The following KIF13B variants were observed in gnomAD, a reference collection of about 807,000 sequenced individuals.
The protein encoded by KIF13B is kinesin family member 13B, also known as kinesin-like protein KIF13B.
Under a neutral mutation model 222.0 loss-of-function variants are expected in KIF13B, and 127 were observed. The observed-to-expected ratio is 0.57, with a 90% CI of 0.50 to 0.66. KIF13B has a LOEUF of 0.66. Among genes scored for constraint, KIF13B ranks in the 30% least tolerant of loss-of-function variants. The pLI, the probability that KIF13B is intolerant of heterozygous loss-of-function variation, is 0.00. For missense variants in KIF13B, 2,173 were observed against 2,379.0 expected (o/e 0.91, Z 1.80); for synonymous variants, 976 against 919.0 (o/e 1.06, Z -1.12).
intron 2 of KIF13B, among the ~76,000 whole-genome samples, chr8:29,201,719 T>G (rs951659240): frequency 1.3e-5 from 2 of 152,238 alleles, no homozygotes; most frequent in Non-Finnish European, 2.9e-5. Context: ...CAACCCGCTG[T>G]ATAACGGATG....
intron 2 of KIF13B, among the ~76,000 whole-genome samples, chr8:29,236,119 C>T (rs1001961640): frequency 3.6e-4 from 55 of 152,030 alleles, no homozygotes; most frequent in African/African-American, 1.3e-3. Flanking sequence ...AAACAAACTT[C>T]GGGGAAAAAA....
At chr8:29,183,238 G>A (rs1191282472) in intron 6 of KIF13B, among the ~76,000 whole-genome samples, 1 of 132,998 alleles carries the variant, frequency 7.5e-6, no homozygotes, top group Non-Finnish European at 1.5e-5. Flanking sequence ...TGTAACCTCC[G>A]CTTCCCAGGT....
chr8:29,211,154 C>A (rs1563792246), intron 2 of KIF13B, among the ~76,000 whole-genome samples: 1 of 152,210 alleles, frequency 6.6e-6, no homozygotes, highest in Non-Finnish European at 1.5e-5. Context: ...CTCTCGTCTG[C>A]ACGAAAGCAC....
At chr8:29,173,190 T>C (rs558082893) in intron 10 of KIF13B, among the ~76,000 whole-genome samples, 4 of 152,226 alleles carry the variant, frequency 2.6e-5, no homozygotes, top group African/African-American at 7.2e-5. Flanking sequence ...GCTGGGATTA[T>C]AGGCATTAGC....
At chr8:29,257,388 G>A (rs1816523861) in intron 1 of KIF13B, among the ~76,000 whole-genome samples, 2 of 151,808 alleles carry the variant, frequency 1.3e-5, no homozygotes, top group Admixed American at 1.3e-4. Context: ...GGAACTTGAG[G>A]AGCAAGCATA....
chr8:29,159,646 C>T (rs536095956), intron 13 of KIF13B, among the ~76,000 whole-genome samples: 54 of 152,254 alleles, frequency 3.5e-4, no homozygotes, highest in African/African-American at 1.3e-3. Context: ...AGGAATTAGA[C>T]TAGAGGGGGC....
intron 26 of KIF13B, among the ~76,000 whole-genome samples, chr8:29,126,092 A>C (rs946778324): frequency 6.6e-6 from 1 of 152,158 alleles, no homozygotes; most frequent in African/African-American, 2.4e-5. Context: ...GTCACAAAAA[A>C]AAAAACAAAA....
intron 1 of KIF13B, among the ~76,000 whole-genome samples, chr8:29,253,708 T>C (rs1369290708): frequency 6.6e-6 from 1 of 151,064 alleles, no homozygotes; most frequent in Non-Finnish European, 1.5e-5. Context: ...CAGGCACCTG[T>C]AATCCCAGAA....
intron 2 of KIF13B, among the ~76,000 whole-genome samples, chr8:29,217,242 G>T (rs976870286): frequency 6.6e-6 from 1 of 152,166 alleles, no homozygotes; most frequent in African/African-American, 2.4e-5. Context: ...AAGGGTGAGG[G>T]GTCAGCAAGC....
intron 12 of KIF13B, among the ~76,000 whole-genome samples, chr8:29,162,333 G>A (rs1811818173): frequency 6.6e-6 from 1 of 152,174 alleles, no homozygotes; most frequent in Non-Finnish European, 1.5e-5. Flanking sequence ...CTGCAACTCA[G>A]CCAATATATC....
chr8:29,251,345 C>T lies in KIF13B; in HGVS notation c.56-5906G>A, dbSNP rs181213974. 1.0e-3 allele frequency among the ~76,000 whole-genome samples: 159 copies of T among 152,268 alleles called. 1 individual carries two copies. The highest frequency in any genetic ancestry group is 3.0e-3 in the African/African-American group (125 of 41,554). On this transcript the variant is annotated intron_variant, in intron 1 of 39. Coordinates refer to ENST00000524189, the MANE Select transcript of KIF13B (RefSeq NM_015254.4). Reference sequence around the variant, plus strand: ...TGTAAAAACAGCACTAAAGTGTACCCGTGTTCACAGCAGCAGCTAAAATGC... The same window carrying T: ...TGTAAAAACAGCACTAAAGTGTACCTGTGTTCACAGCAGCAGCTAAAATGC...
chr8:29,181,827 C>T, intron 7 of KIF13B, 92 bp downstream of exon 7: 2 of 783,112 alleles, frequency 2.6e-6, no homozygotes, highest in Non-Finnish European at 4.1e-6. Context: ...ATTATATATG[C>T]AATTTTTAAA....
At chr8:29,185,976 T>C (rs1812907514) in intron 6 of KIF13B, among the ~76,000 whole-genome samples, 1 of 152,242 alleles carries the variant, frequency 6.6e-6, no homozygotes, top group Admixed American at 6.5e-5. Context: ...CACTTGTTTT[T>C]GTTCCTGAGA....
chr8:29,213,673 G>A (rs1814335665), intron 2 of KIF13B, among the ~76,000 whole-genome samples: 1 of 152,158 alleles, frequency 6.6e-6, no homozygotes. Flanking sequence ...AAGGGGCCAG[G>A]CACAGTGGCT....
chr8:29,101,139 ATGTTT>A (rs1183329096), intron 35 of KIF13B, among the ~76,000 whole-genome samples: 1 of 152,092 alleles, frequency 6.6e-6, no homozygotes, highest in Non-Finnish European at 1.5e-5. Context: ...ACATACTTGA[ATGTTT>A]TGTTAATTTT....
rs1813041728 is a variant in KIF13B, at chr8:29,188,543, A to G, written c.288T>C (p.Asn96=). The change falls in exon 5 of 40, where the codon AAT becomes AAC. Residue 96 remains asparagine (N), a synonymous_variant. Coordinates refer to ENST00000524189, the MANE Select transcript of KIF13B (RefSeq NM_015254.4). ...NILQNAFDGY[N]ACIFAYGQTG... The stretch of plus-strand genomic sequence containing the variant: ...TCTGTCCATAGGCAAAGATACATGC[A>G]TTGTAGCCATCAAAAGCATTCTGCA... The G allele has an allele frequency of 6.2e-7, 1 of 1,610,902 alleles. No individual in the cohort carries two copies. Among genetic ancestry groups the G allele is most frequent in the African/African-American group, 1.3e-5 (1 of 74,884 alleles).
intron 2 of KIF13B, among the ~76,000 whole-genome samples, chr8:29,223,664 C>T (rs1814872151): frequency 6.6e-6 from 1 of 152,148 alleles, no homozygotes; most frequent in African/African-American, 2.4e-5. Flanking sequence ...ATTAAGTAAT[C>T]CAACTCTGGT....
At chr8:29,168,556 G>A (rs530955690) in intron 10 of KIF13B, among the ~76,000 whole-genome samples, 8 of 152,238 alleles carry the variant, frequency 5.3e-5, no homozygotes, top group Non-Finnish European at 1.2e-4. Context: ...GGTGGCTTCT[G>A]TCTTGGGTGT....
At chr8:29,100,241 G>T (rs1470019370) in intron 35 of KIF13B, among the ~76,000 whole-genome samples, 1 of 152,180 alleles carries the variant, frequency 6.6e-6, no homozygotes, top group African/African-American at 2.4e-5. Context: ...CATAAAAATA[G>T]TGATACCATC....
Sources: gnomAD v4.1 joint callset for allele counts (sites outside exome capture counted in the v4.1 genomes callset) on GRCh38, gnomAD v4.1.1 for gene constraint, MANE v1.5 for transcripts, NCBI Gene and HGNC (gene_info 2026-07-23, HGNC 2026-07-21) for gene names.